ZNF620: variants seen among roughly 807,000 people sequenced by gnomAD.
The protein encoded by ZNF620 is zinc finger protein 620.
A neutral mutation model predicts 13.3 loss-of-function variants in ZNF620; 10 were observed. The observed-to-expected ratio is 0.75, with a 90% CI of 0.46 to 1.28. The LOEUF is 1.28. ZNF620 is among the 50% of genes most tolerant of loss of function. ZNF620 has a pLI of 0.00. For synonymous variants in ZNF620, 166 were observed against 177.6 expected, an observed-to-expected ratio of 0.93 and a Z score of 0.52; for missense variants, 461 against 500.2, an observed-to-expected ratio of 0.92 and a Z score of 0.75.
Position 40,516,133 on chromosome 3 carries a change from G to A in ZNF620, c.539G>A (p.Ser180Asn). The A allele has an allele frequency of 1.9e-6, 3 of 1,614,076 alleles. No individual in the cohort carries two copies. Among genetic ancestry groups the A allele is most frequent in the South Asian group, 1.1e-5 (1 of 91,080 alleles). The change falls in exon 5 of 5, where the codon AGC becomes AAC. Residue 180 changes from serine (S) to asparagine (N), a missense_variant. Transcript: ENST00000314529. Reference protein sequence around the residue: ...FEKLGKNISVSTQLTTNQTNP... With the variant: ...FEKLGKNISVNTQLTTNQTNP... ...AAATTAGGAAAAAATATTAGCGTCA[G>A]CACACAACTCACTACAAATCAGACA...
chr3:40,518,599 CAT>C lies in ZNF620; in HGVS notation c.*1737_*1738del, dbSNP rs1251480637. ...AAAAAATTAGCTGGGCGTGGGGTGA[CAT>C]GTGCCTGTAGTCCCAGCTACTTGGG... On this transcript the variant is annotated 3_prime_UTR_variant, in exon 5 of 5. Transcript: ENST00000314529. 1.3e-5 allele frequency: 2 copies of C among 151,586 alleles called. No individual in the cohort carries two copies. The highest frequency in any genetic ancestry group is 2.4e-5 in the African/African-American group (1 of 41,222). The allele number at this position is 151,586 out of a possible 1,614,324, so 9.4% of individuals were successfully genotyped here.
intron 2 of ZNF620, among the ~76,000 whole-genome samples, chr3:40,510,586 G>A (rs141020512): frequency 7.1e-4 from 108 of 152,270 alleles, no homozygotes; most frequent in African/African-American, 2.5e-3. Context: ...AAAATCCTTA[G>A]CTCATCCTTA....
Position 40,516,948 on chromosome 3 carries a change from G to A in ZNF620, c.*85G>A, listed in dbSNP as rs960092085. ...TATCAGTGTCCTCGCTGTCCTTCCTGGTTAGACACTTGGCTTTCATCATGA... is the reference window on the plus strand; with the variant it reads ...TATCAGTGTCCTCGCTGTCCTTCCTAGTTAGACACTTGGCTTTCATCATGA... On this transcript the variant is annotated 3_prime_UTR_variant, in exon 5 of 5. Coordinates refer to ENST00000314529, the MANE Select transcript of ZNF620 (RefSeq NM_175888.4). The A allele has an allele frequency of 1.2e-5, 17 of 1,437,088 alleles. 1 individual carries two copies. The African/African-American group carries it at 2.1e-4, about 18-fold the overall frequency. 89.0% of individuals were successfully genotyped at this position (1,437,088 alleles called of 1,614,324 possible).
In ZNF620 at chr3:40,516,773, G is replaced by C; in HGVS notation, c.1179G>C (p.Glu393Asp). Reference protein sequence around the residue: ...QRVHTGEKPYECKVCGKTFSW... With the variant: ...QRVHTGEKPYDCKVCGKTFSW... The stretch of plus-strand genomic sequence containing the variant: ...TTCACACTGGCGAGAAACCTTATGA[G>C]TGTAAAGTGTGTGGTAAAACCTTCA... The change falls in exon 5 of 5, where the codon GAG (glutamate) becomes GAC (aspartate). Residue 393 changes from glutamate (E) to aspartate (D), a missense_variant. Physicochemically the swap from Glu to Asp is conservative, Grantham distance 45. Coordinates refer to ENST00000314529, the MANE Select transcript of ZNF620 (RefSeq NM_175888.4). 6.2e-7 allele frequency: 1 copy of C among 1,614,212 alleles called. No homozygotes were observed. The highest frequency in any genetic ancestry group is 8.5e-7 in the Non-Finnish European group (1 of 1,180,044).
chr3:40,511,353 G>A, intron 2 of ZNF620, 117 bp from the exon 3 acceptor site: 1 of 1,401,438 alleles, frequency 7.1e-7, no homozygotes, highest in Non-Finnish European at 9.7e-7. Flanking sequence ...TGGCCTCATG[G>A]TGGAGTGCTG....
At position 40,506,465 on chromosome 3, in the gene ZNF620, G is replaced by T. The variant is rs998915548; in HGVS notation, c.24+89G>T. The T allele has an allele frequency of 7.2e-5, 93 of 1,282,978 alleles. No homozygotes were observed. The South Asian group carries it at 1.1e-3, about 15-fold the overall frequency. 79.5% of individuals were successfully genotyped at this position (1,282,978 alleles called of 1,614,324 possible). On this transcript the variant is annotated intron_variant, in intron 2 of 4. Transcript: ENST00000314529. ...CTGCATTCAGATCTTGAGTTGTGTA[G>T]GCCAGTGGCTTCCATTGTGCATCTG...
At chr3:40,509,920 A>G (rs1293701884) in intron 2 of ZNF620, among the ~76,000 whole-genome samples, 1 of 152,052 alleles carries the variant, frequency 6.6e-6, no homozygotes, top group Non-Finnish European at 1.5e-5. Flanking sequence ...TTTGCATGAT[A>G]TCTTGAAAAT....
At chr3:40,507,119 G>A (rs1234346729) in intron 2 of ZNF620, among the ~76,000 whole-genome samples, 2 of 122,432 alleles carry the variant, frequency 1.6e-5, no homozygotes, top group African/African-American at 6.6e-5. Context: ...TTGAGATGGA[G>A]TCTTGCTCTA....
Position 40,516,173 on chromosome 3 carries a change from G to T in ZNF620, c.579G>T (p.Gln193His). 1.2e-6 allele frequency: 2 copies of T among 1,614,102 alleles called. No individual in the cohort carries two copies. Among genetic ancestry groups the T allele is most frequent in the East Asian group, 4.5e-5 (2 of 44,890 alleles). Residue 193 changes from glutamine (Q) to histidine (H), a missense_variant, in exon 5 of 5, where the codon CAG becomes CAT. Coordinates refer to ENST00000314529, the MANE Select transcript of ZNF620 (RefSeq NM_175888.4). The stretch of plus-strand genomic sequence containing the variant: ...CAAATCAGACAAATCCTAGTGGTCA[G>T]ATATCTTATGAATGTGGACAATGTG... ...LTTNQTNPSG[Q>H]ISYECGQCGR...
rs529776261 is a variant in ZNF620 at position 40,509,974 on chromosome 3, G to C, written c.25-1496G>C. 4.0e-5 allele frequency among the ~76,000 whole-genome samples: 6 copies of C among 151,888 alleles called. No homozygotes were observed. The East Asian group carries it at 7.7e-4, about 20-fold the overall frequency. Reference sequence around the variant, plus strand: ...TGGTTATTTTGTTTCAGGCAGGAGGGGAAATCCAGCCCCTGTGATTCCACC... The same window carrying C: ...TGGTTATTTTGTTTCAGGCAGGAGGCGAAATCCAGCCCCTGTGATTCCACC... On this transcript the variant is annotated intron_variant, in intron 2 of 4. Coordinates refer to ENST00000314529, the MANE Select transcript of ZNF620 (RefSeq NM_175888.4).
chr3:40,512,214 G>C (rs911565435), intron 3 of ZNF620, among the ~76,000 whole-genome samples, 188 bp from the exon 4 acceptor site: 2 of 152,194 alleles, frequency 1.3e-5, no homozygotes, highest in Admixed American at 1.3e-4. Flanking sequence ...TTATGTGAGC[G>C]TGGGATTATT....
intron 2 of ZNF620, among the ~76,000 whole-genome samples, chr3:40,507,524 T>C (rs1305754557): frequency 2.0e-5 from 3 of 152,204 alleles, no homozygotes; most frequent in African/African-American, 7.2e-5. Flanking sequence ...TTTGTTAAAA[T>C]TTTATTTAGA....
At chr3:40,511,672 GT>G (rs1168902103) in intron 3 of ZNF620, 76 bp downstream of exon 3, 18 of 1,545,812 alleles carry the variant, frequency 1.2e-5, no homozygotes, top group Middle Eastern at 1.8e-4. Flanking sequence ...ACTTTGTGGG[GT>G]TTTTTTCTTT....
At chr3:40,509,022 T>C (rs1698119283) in intron 2 of ZNF620, among the ~76,000 whole-genome samples, 1 of 40,398 alleles carries the variant, frequency 2.5e-5, no homozygotes, top group African/African-American at 4.4e-4. Context: ...TGAAGGTTCT[T>C]CAAGCAATGT....
chr3:40,513,918 C>T (rs138719338), intron 4 of ZNF620, among the ~76,000 whole-genome samples: 70 of 152,264 alleles, frequency 4.6e-4, no homozygotes, highest in African/African-American at 1.7e-3. Context: ...GACAGGGCCA[C>T]CAGAGGGCTC....
In ZNF620 at chr3:40,517,794, A is replaced by G. The variant is rs920232722; in HGVS notation, c.*931A>G. On this transcript the variant is annotated 3_prime_UTR_variant, in exon 5 of 5. Coordinates refer to ENST00000314529, the MANE Select transcript of ZNF620 (RefSeq NM_175888.4). ...AACCAGTAAATAAAAAGACAGATAT[A>G]TGGATTCCCTATTGCAGTCCGTACG... is the stretch of plus-strand genomic sequence containing the variant. 1.3e-5 allele frequency: 2 copies of G among 152,242 alleles called. No homozygotes were observed. Among genetic ancestry groups the G allele is most frequent in the Non-Finnish European group, 2.9e-5 (2 of 68,052 alleles). 9.4% of individuals were successfully genotyped at this position (152,242 alleles called of 1,614,324 possible).
chr3:40,515,783 TGTGTGTG>T, intron 4 of ZNF620, 70 bp from the exon 5 acceptor site: 1 of 217,936 alleles, frequency 4.6e-6, no homozygotes, highest in East Asian at 1.4e-4. Flanking sequence ...ACAGATATTG[TGTGTGTG>T]TGTGTGTGTG....
At position 40,515,861 on chromosome 3, in the gene ZNF620, G is replaced by T; in HGVS notation, c.267G>T (p.Gly89=). ...ATTTGTATTTTCTTTTTGTGATAGG[G>T]GATGAGGCCAGAACTGAGAAGGAAG... ...GREALRGICP[G]DEARTEKEGL... is the part of the protein sequence containing the mutation. The change falls in exon 5 of 5, where the codon GGG becomes GGT. Residue 89 remains glycine, a splice_region_variant and synonymous_variant. Transcript: ENST00000314529. 1 of 1,598,862 alleles carries T rather than the reference G, an allele frequency of 6.3e-7. No homozygotes were observed.
At chr3:40,511,920 G>A (rs1317566540) in intron 3 of ZNF620, among the ~76,000 whole-genome samples, 8 of 152,078 alleles carry the variant, frequency 5.3e-5, no homozygotes, top group Non-Finnish European at 1.2e-4. Flanking sequence ...GGCCTCAAGC[G>A]ATCCTCCTGC....
Sources: gnomAD v4.1 joint callset for allele counts (sites outside exome capture counted in the v4.1 genomes callset) on GRCh38, gnomAD v4.1.1 for gene constraint, MANE v1.5 for transcripts, NCBI Gene and HGNC (gene_info 2026-07-23, HGNC 2026-07-21) for gene names.